The following RTN2 variants were observed in gnomAD, a reference collection of about 807,000 sequenced individuals.
The protein encoded by RTN2 is reticulon 2, also known as reticulon-2.
In RTN2, 36 loss-of-function variants were observed where a neutral mutation model predicts 63.7. The ratio of observed to expected loss-of-function variants is 0.56; its 90% CI spans 0.43 to 0.75. The LOEUF (loss-of-function observed/expected upper bound fraction) is 0.75, where lower values mean the gene tolerates loss of function less well. RTN2 is among the 30% of genes least tolerant of loss of function. RTN2 has a pLI of 0.00. For missense variants in RTN2, 673 were observed against 705.1 expected, an observed-to-expected ratio of 0.95 and a Z score of 0.52; for synonymous variants, 312 against 313.0, an observed-to-expected ratio of 1.00 and a Z score of 0.03.
At chr19:45,496,746 C>A in intron 1 of RTN2, 46 bp downstream of exon 1, 1 of 1,387,052 alleles carries the variant, frequency 7.2e-7, no homozygotes, top group Non-Finnish European at 9.6e-7. Context: ...AGTACCCCAC[C>A]TGAACCTCTG....
At chr19:45,489,675 C>CTTT in intron 5 of RTN2, 122 bp from the exon 6 acceptor site, 1 of 554,848 alleles carries the variant, frequency 1.8e-6, no homozygotes, top group Non-Finnish European at 3.0e-6. Flanking sequence ...AACCTGATTT[C>CTTT]CTTTTTTTTT....
chr19:45,488,776 G>T lies in RTN2; in HGVS notation c.1381-70C>A, dbSNP rs941478625. On this transcript the variant is annotated intron_variant, in intron 7 of 10. Coordinates refer to ENST00000245923, the MANE Select transcript of RTN2 (RefSeq NM_005619.5). ...TCTCATGCTGTGAATTTACCCAACA[G>T]TCGCCCTCCCACCCCCTAGCCATGC... 6 of 1,594,650 alleles carry T rather than the reference G, an allele frequency of 3.8e-6. No homozygotes were observed. The East Asian group carries it at 9.0e-5, about 24-fold the overall frequency.
intron 7 of RTN2, 69 bp downstream of exon 7, chr19:45,488,779 G>A (rs767967488): frequency 1.4e-5 from 23 of 1,593,444 alleles, no homozygotes; most frequent in African/African-American, 4.0e-5. Flanking sequence ...CCCAACAGTC[G>A]CCCTCCCACC....
chr19:45,486,019 T>C lies in RTN2; in HGVS notation c.1556+36A>G, dbSNP rs1315282610. On this transcript the variant is annotated intron_variant, in intron 10 of 10. Coordinates refer to ENST00000245923, the MANE Select transcript of RTN2 (RefSeq NM_005619.5). ...AGGAAAGGTTCCCAAGCTCCCCCACTTCCCCCTCCCATCGACCTCCGCCCC... is the reference window on the plus strand; with the variant it reads ...AGGAAAGGTTCCCAAGCTCCCCCACCTCCCCCTCCCATCGACCTCCGCCCC... 2.5e-6 allele frequency: 4 copies of C among 1,602,462 alleles called. No homozygotes were observed. In the East Asian group the frequency reaches 6.7e-5, roughly 27 times the overall value.
intron 4 of RTN2, among the ~76,000 whole-genome samples, chr19:45,493,688 G>A (rs1043131131): frequency 8.5e-5 from 13 of 152,096 alleles, no homozygotes; most frequent in African/African-American, 2.9e-4. Context: ...TCAGGGATTT[G>A]GCCTGTCCAA....
chr19:45,487,032 C>CTTTTTT lies in RTN2; in HGVS notation c.1498-925_1498-920dup, dbSNP rs34799041. On this transcript the variant is annotated intron_variant, in intron 9 of 10. Transcript: ENST00000245923. Reference sequence around the variant, plus strand: ...ACAAGCGTGAGCCACCATGCCCAGCCTTTTTTTTTTTTTTTTTTTTTTTTT... The same window carrying CTTTTTT: ...ACAAGCGTGAGCCACCATGCCCAGCCTTTTTTTTTTTTTTTTTTTTTTTTTTTTTTT... 1.3e-4 allele frequency among the ~76,000 whole-genome samples: 5 copies of CTTTTTT among 39,178 alleles called. 2 individuals carry two copies. The highest frequency in any genetic ancestry group is 2.0e-4 in the African/African-American group (2 of 10,188). 25.7% of individuals were successfully genotyped at this position (39,178 alleles called of 152,430 possible). A position where few individuals can be genotyped will look rare whatever the true frequency, so the allele number is the denominator to read the frequency against.
chr19:45,489,445 G>A lies in RTN2; in HGVS notation c.1142C>T (p.Ala381Val), dbSNP rs776793996. The A allele has an allele frequency of 6.8e-6, 11 of 1,611,944 alleles. No individual in the cohort carries two copies. The highest frequency in any genetic ancestry group is 4.5e-5 in the East Asian group (2 of 44,822). Residue 381 changes from alanine (A) to valine (V), a missense_variant, in exon 6 of 11, where the codon GCG (alanine) becomes GTG (valine). Ala to Val is a moderately conservative substitution (Grantham distance 64). Transcript: ENST00000245923. ...LLHFSIVSVA[A>V]HLALLLLCGT... The stretch of plus-strand genomic sequence containing the variant: ...GCAGAGCAGCAACAGAGCCAAGTGC[G>A]CGGCCACGGACACGATGCTAAAGTG...
rs553927204 is a variant in RTN2, at chr19:45,486,112, G to C, written c.1499C>G (p.Ala500Gly). Residue 500 changes from alanine (A) to glycine (G), a missense_variant and splice_region_variant, in exon 10 of 11, where the codon GCT becomes GGT. Coordinates refer to ENST00000245923, the MANE Select transcript of RTN2 (RefSeq NM_005619.5). ...CAACCCCACATATTGGTCGATCTGA[G>C]CCTGGGGAGACCAAAGAAAGGTGAA... ...TIPLLYRQHQ[A>G]QIDQYVGLVT... 2 of 1,613,962 alleles carry C rather than the reference G, an allele frequency of 1.2e-6. No homozygotes were observed. Among genetic ancestry groups the C allele is most frequent in the East Asian group, 2.2e-5 (1 of 44,890 alleles).
chr19:45,488,979 G>T lies in RTN2; in HGVS notation c.1249C>A (p.Leu417Met). 6.2e-7 allele frequency: 1 copy of T among 1,611,486 alleles called. No homozygotes were observed. The highest frequency in any genetic ancestry group is 2.2e-5 in the East Asian group (1 of 44,792). ...GDGANPFQAY[L>M]DVDLTLTREQ... ...CGAGTCAGGGTGAGGTCCACATCCA[G>T]GTAGGCCCTGCGGGGACAAAGGAGT... Residue 417 changes from leucine (L) to methionine (M), a missense_variant, in exon 7 of 11, where the codon CTG becomes ATG. Coordinates refer to ENST00000245923, the MANE Select transcript of RTN2 (RefSeq NM_005619.5).
chr19:45,486,463 C>G (rs971953586), intron 9 of RTN2, among the ~76,000 whole-genome samples: 1 of 152,074 alleles, frequency 6.6e-6, no homozygotes, highest in African/African-American at 2.4e-5. Context: ...CACCGAGTCC[C>G]TGAGTGGATT....
chr19:45,496,699 G>C (rs1968278791), intron 1 of RTN2, 93 bp downstream of exon 1: 7 of 845,694 alleles, frequency 8.3e-6, no homozygotes, highest in Non-Finnish European at 1.0e-5. Context: ...CCCCCATCCC[G>C]GCTCTCCTGC....
At chr19:45,489,676 C>CAT (rs1476613883) in intron 5 of RTN2, 123 bp from the exon 6 acceptor site, 96 of 502,482 alleles carry the variant, frequency 1.9e-4, no homozygotes, top group Non-Finnish European at 3.0e-4. Flanking sequence ...ACCTGATTTC[C>CAT]TTTTTTTTTT....
chr19:45,485,864 CTGGG>C (rs1351047533), intron 10 of RTN2, 75 bp from the exon 11 acceptor site: 11 of 1,342,868 alleles, frequency 8.2e-6, no homozygotes, highest in Non-Finnish European at 1.2e-5. Flanking sequence ...ACGGGGAAAG[CTGGG>C]TGGGAAACTG....
At position 45,494,121 on chromosome 19, in the gene RTN2, T is replaced by C; in HGVS notation, c.814+45A>G. 1.3e-6 allele frequency: 2 copies of C among 1,589,366 alleles called. No homozygotes were observed. Among genetic ancestry groups the C allele is most frequent in the Non-Finnish European group, 1.7e-6 (2 of 1,173,460 alleles). On this transcript the variant is annotated intron_variant, in intron 4 of 10. Transcript: ENST00000245923. This position sits in a 1 kb window ranked among gnomAD's most constrained non-coding sequence, Gnocchi z 5.3. Reference sequence around the variant, plus strand: ...CTTTAATTCAAAATCCTCTCACCTTTTGCCTTCTGTGGGCCAATGCAGCAT... The same window carrying C: ...CTTTAATTCAAAATCCTCTCACCTTCTGCCTTCTGTGGGCCAATGCAGCAT...
Position 45,496,991 on chromosome 19 carries a change from CCGCCCT to C in RTN2, c.-172_-167del. On this transcript the variant is annotated 5_prime_UTR_variant, in exon 1 of 11. Transcript: ENST00000245923. ...GCCGCCGCCGCCGCCGCCGCCGCCG[CCGCCCT>C]GGTGCTCGGCTCGGCGGGGGCGGGC... 3.2e-6 allele frequency: 1 copy of C among 309,618 alleles called. No individual in the cohort carries two copies. Among genetic ancestry groups the C allele is most frequent in the African/African-American group, 2.2e-5 (1 of 44,492 alleles). 19.2% of individuals were successfully genotyped at this position (309,618 alleles called of 1,614,324 possible).
Position 45,494,472 on chromosome 19 carries a change from A to G in RTN2, c.560-52T>C. 6.2e-7 allele frequency: 1 copy of G among 1,603,684 alleles called. No individual in the cohort carries two copies. Among genetic ancestry groups the G allele is most frequent in the Non-Finnish European group, 8.5e-7 (1 of 1,173,374 alleles). Reference sequence around the variant, plus strand: ...GAGCTTTCTTCTTGGAGGTGCCCCAAGGAGAAACCACCCACCCCTCTTGGC... The same window carrying G: ...GAGCTTTCTTCTTGGAGGTGCCCCAGGGAGAAACCACCCACCCCTCTTGGC... On this transcript the variant is annotated intron_variant, in intron 3 of 10. Transcript: ENST00000245923. The surrounding 1 kb of genome is among the most constrained non-coding windows in gnomAD (Gnocchi z 5.3).
chr19:45,490,535 C>CTGTCTGTGTGTGTG (rs1555797722), intron 5 of RTN2, among the ~76,000 whole-genome samples: 1 of 145,766 alleles, frequency 6.9e-6, no homozygotes, highest in Non-Finnish European at 1.5e-5. Context: ...GGTTGTGTGT[C>CTGTCTGTGTGTGTG]TGTGTGTGTG....
At chr19:45,489,600 TCTC>T in intron 5 of RTN2, 47 bp from the exon 6 acceptor site, 1 of 1,376,252 alleles carries the variant, frequency 7.3e-7, no homozygotes, top group African/African-American at 1.4e-5. Flanking sequence ...ACCTGGCTGG[TCTC>T]CTCACCTCCC....
chr19:45,487,965 A>G (rs1352057879), intron 9 of RTN2, among the ~76,000 whole-genome samples: 1 of 142,932 alleles, frequency 7.0e-6, no homozygotes, highest in Non-Finnish European at 1.5e-5. Context: ...AAAAAAAGGC[A>G]GCAAAGGCTA....
Sources: allele counts gnomAD v4.1 joint callset (sites outside exome capture counted in the v4.1 genomes callset), GRCh38; gene constraint gnomAD v4.1.1; non-coding constraint Gnocchi (gnomAD v3.1); transcripts MANE v1.5; gene names NCBI Gene and HGNC (gene_info 2026-07-23, HGNC 2026-07-21).